Variants in LVRN observed in about 807,000 individuals in gnomAD.
LVRN encodes laeverin.
LVRN carries 99 observed loss-of-function variants against 111.4 expected under a neutral mutation model. The observed-to-expected ratio is 0.89, with a 90% CI of 0.76 to 1.05. The LOEUF is 1.05. Ranked by LOEUF, LVRN falls within the 50% of genes least tolerant of loss-of-function variation. The pLI, the probability that LVRN is intolerant of heterozygous loss-of-function variation, is 0.00. For missense variants in LVRN, 1,414 were observed against 1,206.8 expected (o/e 1.17, Z -2.54); for synonymous variants, 488 against 449.5 (o/e 1.09, Z -1.08).
intron 1 of LVRN, among the ~76,000 whole-genome samples, chr5:115,971,689 A>G (rs959402729): frequency 1.3e-5 from 2 of 152,046 alleles, no homozygotes; most frequent in Non-Finnish European, 2.9e-5. Context: ...GTGTATTTTT[A>G]TGCCAATTCT....
chr5:115,997,578 T>A (rs560459380), intron 6 of LVRN, among the ~76,000 whole-genome samples: 26 of 151,720 alleles, frequency 1.7e-4, no homozygotes, highest in Middle Eastern at 3.4e-3. Flanking sequence ...GTGAGAGGAT[T>A]GATAGAGCCT....
intron 1 of LVRN, among the ~76,000 whole-genome samples, chr5:115,964,090 T>A (rs553538108): frequency 4.1e-4 from 62 of 152,342 alleles, no homozygotes; most frequent in Admixed American, 6.5e-4. Flanking sequence ...GCACAAGAAT[T>A]GTCTCTTTCC....
intron 1 of LVRN, among the ~76,000 whole-genome samples, chr5:115,979,160 C>T (rs1262593324): frequency 6.6e-6 from 1 of 152,098 alleles, no homozygotes; most frequent in African/African-American, 2.4e-5. Flanking sequence ...AAGGAATGCT[C>T]ATGCTTCCCT....
At chr5:116,002,631 G>C (rs1018674291) in intron 10 of LVRN, among the ~76,000 whole-genome samples, 15 of 152,184 alleles carry the variant, frequency 9.9e-5, no homozygotes, top group Non-Finnish European at 1.5e-4. Context: ...GACACAACAG[G>C]AGAGAGGAGT....
At chr5:115,969,476 C>G (rs540208613) in intron 1 of LVRN, among the ~76,000 whole-genome samples, 2 of 152,160 alleles carry the variant, frequency 1.3e-5, no homozygotes, top group East Asian at 3.9e-4. Context: ...TGCTTTTAGT[C>G]TCATCCAGTG....
intron 1 of LVRN, 101 bp from the exon 2 acceptor site, chr5:115,983,186 T>C (rs1747750788): frequency 1.5e-6 from 2 of 1,336,148 alleles, no homozygotes; most frequent in African/African-American, 1.5e-5. Context: ...AAATTTCCTC[T>C]AACACACCAG....
intron 6 of LVRN, among the ~76,000 whole-genome samples, chr5:115,994,952 G>C (rs1472495368): frequency 1.3e-5 from 2 of 151,946 alleles, no homozygotes. Context: ...AACCTCTCTG[G>C]TCCTCAGGAT....
At chr5:116,024,345 A>C (rs934588555) in intron 19 of LVRN, among the ~76,000 whole-genome samples, 2 of 152,180 alleles carry the variant, frequency 1.3e-5, no homozygotes, top group Non-Finnish European at 2.9e-5. Context: ...CAAATAAACA[A>C]ATACATATGT....
intron 1 of LVRN, among the ~76,000 whole-genome samples, chr5:115,978,661 C>G (rs1306125926): frequency 6.6e-6 from 1 of 152,190 alleles, no homozygotes; most frequent in Non-Finnish European, 1.5e-5. Context: ...CCATTTTTCT[C>G]CCATCTTCCA....
chr5:115,986,726 A>T (rs1390325123), intron 3 of LVRN, among the ~76,000 whole-genome samples: 2 of 152,266 alleles, frequency 1.3e-5, no homozygotes, highest in African/African-American at 4.8e-5. Flanking sequence ...AATGTGTGGC[A>T]TGAGAATAAA....
chr5:115,972,832 T>C (rs1753356476), intron 1 of LVRN, among the ~76,000 whole-genome samples: 2 of 152,202 alleles, frequency 1.3e-5, no homozygotes, highest in South Asian at 4.1e-4. Context: ...TTTTATCAAA[T>C]GTGTATTCTG....
intron 1 of LVRN, among the ~76,000 whole-genome samples, chr5:115,972,290 T>C (rs1305735815): frequency 6.6e-6 from 1 of 152,080 alleles, no homozygotes; most frequent in Admixed American, 6.5e-5. Flanking sequence ...TCAGGTTTTA[T>C]ATGTTTCACT....
Position 116,001,061 on chromosome 5 carries a change from A to G in LVRN, c.1648-6A>G. On this transcript the variant is annotated splice_polypyrimidine_tract_variant and splice_region_variant and intron_variant, in intron 9 of 19. Coordinates refer to ENST00000357872, the MANE Select transcript of LVRN (RefSeq NM_173800.5). ...TACCTGCCTTTGTGGTGATTTTTTA[A>G]AACAGGCCATAGATGACCAGAGTAC... 6.3e-7 allele frequency: 1 copy of G among 1,576,666 alleles called. No homozygotes were observed. The highest frequency in any genetic ancestry group is 1.2e-5 in the South Asian group (1 of 85,110).
At chr5:116,010,696 A>G (rs759380550) in intron 13 of LVRN, 45 bp from the exon 14 acceptor site, 1 of 1,559,630 alleles carries the variant, frequency 6.4e-7, no homozygotes, top group African/African-American at 1.4e-5. Context: ...CAAATTACTT[A>G]GCAAGTGAAG....
In LVRN at chr5:115,992,116, C is replaced by T. The variant is rs376098512; in HGVS notation, c.1106-7C>T. 21 of 1,599,372 alleles carry T rather than the reference C, an allele frequency of 1.3e-5. No homozygotes were observed. In the African/African-American group the frequency reaches 2.2e-4, roughly 16 times the overall value. On this transcript the variant is annotated splice_polypyrimidine_tract_variant and splice_region_variant and intron_variant, in intron 4 of 19. Transcript: ENST00000357872. ...TTTTATTTTCTCCTCCATTTAAATC[C>T]ACTTAGATATAATTGCCTTGCCTAG...
At chr5:116,011,469 CA>C (rs1253206603) in intron 14 of LVRN, among the ~76,000 whole-genome samples, 2 of 151,928 alleles carry the variant, frequency 1.3e-5, no homozygotes, top group East Asian at 3.9e-4. Context: ...AGATCTTAAA[CA>C]GTAATTATAG....
chr5:116,013,834 T>A (rs894766041), intron 15 of LVRN, among the ~76,000 whole-genome samples: 3 of 152,182 alleles, frequency 2.0e-5, no homozygotes, highest in Non-Finnish European at 4.4e-5. Flanking sequence ...TATTTTGTTT[T>A]GAAGTACAGT....
Position 116,002,835 on chromosome 5 carries a change from T to C in LVRN, c.1821T>C (p.Asn607=). 1 of 1,599,134 alleles carries C rather than the reference T, an allele frequency of 6.3e-7. No homozygotes were observed. Among genetic ancestry groups the C allele is most frequent in the African/African-American group, 1.3e-5 (1 of 74,598 alleles). ...AATTTTTTTATTTTCTTCCAATAAG[T>C]GACACATGGATTGTCCCTATTCTTT... is the stretch of plus-strand genomic sequence containing the variant. ...NIKNRTLLTS[N]DTWIVPILWI... The change falls in exon 11 of 20, where the codon AAT becomes AAC. Residue 607 remains asparagine, a splice_region_variant and synonymous_variant. Coordinates refer to ENST00000357872, the MANE Select transcript of LVRN (RefSeq NM_173800.5).
chr5:115,970,184 T>C (rs1167362221), intron 1 of LVRN, among the ~76,000 whole-genome samples: 1 of 152,148 alleles, frequency 6.6e-6, no homozygotes, highest in African/African-American at 2.4e-5. Context: ...AATAAACATA[T>C]TCATCACATC....
Sources: allele counts gnomAD v4.1 joint callset (sites outside exome capture counted in the v4.1 genomes callset), GRCh38; gene constraint gnomAD v4.1.1; transcripts MANE v1.5; gene names NCBI Gene and HGNC (gene_info 2026-07-23, HGNC 2026-07-21).